The following HSF5 variants were observed in gnomAD, a reference collection of about 807,000 sequenced individuals.
HSF5 encodes the protein heat shock factor protein 5.
HSF5 carries 5 observed loss-of-function variants against 50.8 expected under a neutral mutation model. The ratio of observed to expected loss-of-function variants is 0.10; its 90% confidence interval spans 0.05 to 0.21. The LOEUF (loss-of-function observed/expected upper bound fraction) is 0.21, where lower values mean the gene tolerates loss of function less well. Among genes scored for constraint, HSF5 ranks in the 10% least tolerant of loss-of-function variants. HSF5 has a pLI of 1.00. For synonymous variants in HSF5, 307 were observed against 307.4 expected (o/e 1.00, Z 0.02); for missense variants, 564 against 762.6 (o/e 0.74, Z 3.07).
At chr17:58,477,905 C>T (rs1567918293) in intron 2 of HSF5, among the ~76,000 whole-genome samples, 1 of 151,996 alleles carries the variant, frequency 6.6e-6, no homozygotes, top group Non-Finnish European at 1.5e-5. Flanking sequence ...GAAATTGCTT[C>T]CAGATTTACA....
At chr17:58,446,661 AG>A (rs1485706361) in intron 5 of HSF5, among the ~76,000 whole-genome samples, 1 of 152,188 alleles carries the variant, frequency 6.6e-6, no homozygotes. Context: ...TTTCCGTGGC[AG>A]GCAGGCCAGA....
At chr17:58,476,707 A>T in intron 2 of HSF5, 1 of 1,590,138 alleles carries the variant, frequency 6.3e-7, no homozygotes, top group Non-Finnish European at 8.6e-7. Context: ...TGTTATCCAA[A>T]AATGTGGGAT....
intron 5 of HSF5, among the ~76,000 whole-genome samples, chr17:58,450,111 A>C (rs1974615974): frequency 1.3e-5 from 2 of 151,410 alleles, no homozygotes; most frequent in Admixed American, 1.3e-4. Context: ...CAAGGCAGGC[A>C]GATCACTTGA....
intron 5 of HSF5, among the ~76,000 whole-genome samples, chr17:58,428,411 A>G (rs1598179206): frequency 6.6e-6 from 1 of 152,100 alleles, no homozygotes; most frequent in Admixed American, 6.6e-5. Context: ...TGTAATCCCA[A>G]CACTTTGGGA....
In HSF5 at chr17:58,422,197, A is replaced by G. The variant is rs927048641; in HGVS notation, c.*163T>C. 1.7e-6 allele frequency: 1 copy of G among 595,442 alleles called. No individual in the cohort carries two copies. Among genetic ancestry groups the G allele is most frequent in the Non-Finnish European group, 3.0e-6 (1 of 335,604 alleles). 36.9% of individuals were successfully genotyped at this position (595,442 alleles called of 1,614,324 possible). On this transcript the variant is annotated 3_prime_UTR_variant, in exon 6 of 6. Coordinates refer to ENST00000323777, the MANE Select transcript of HSF5 (RefSeq NM_001080439.3). Reference sequence around the variant, plus strand: ...AATCTGAACTGAACCACTGTAGTACATACAAATTCCCAATTCTCAATTAAC... The same window carrying G: ...AATCTGAACTGAACCACTGTAGTACGTACAAATTCCCAATTCTCAATTAAC...
At chr17:58,470,548 T>C (rs1598198317) in intron 2 of HSF5, among the ~76,000 whole-genome samples, 1 of 152,184 alleles carries the variant, frequency 6.6e-6, no homozygotes, top group African/African-American at 2.4e-5. Flanking sequence ...ATTTGGGTGA[T>C]GAAAAGTTTT....
intron 5 of HSF5, among the ~76,000 whole-genome samples, chr17:58,435,177 T>A (rs1974410626): frequency 6.6e-6 from 1 of 151,734 alleles, no homozygotes; most frequent in African/African-American, 2.4e-5. Flanking sequence ...TATAATAGAG[T>A]GGCTTTGGAG....
intron 2 of HSF5, among the ~76,000 whole-genome samples, chr17:58,478,194 G>A (rs1444990112): frequency 6.6e-6 from 1 of 151,810 alleles, no homozygotes; most frequent in African/African-American, 2.4e-5. Context: ...AGCACTTTGG[G>A]AGGCCGAGGT....
intron 5 of HSF5, among the ~76,000 whole-genome samples, chr17:58,426,851 A>G (rs189858514): frequency 6.6e-4 from 101 of 152,332 alleles, no homozygotes; most frequent in Middle Eastern, 3.4e-3. Context: ...CAAAAGAGCT[A>G]CACAAAGCAT....
intron 2 of HSF5, among the ~76,000 whole-genome samples, chr17:58,478,312 T>TAC (rs1197451154): frequency 2.1e-5 from 3 of 140,980 alleles, no homozygotes; most frequent in East Asian, 2.1e-4. Context: ...CACACACACA[T>TAC]ACACACACAC....
chr17:58,446,029 T>C (rs1413003310), intron 5 of HSF5, among the ~76,000 whole-genome samples: 1 of 151,498 alleles, frequency 6.6e-6, no homozygotes, highest in African/African-American at 2.4e-5. Context: ...TACCAGCTAC[T>C]TGGAGGCTGA....
At position 58,476,869 on chromosome 17, in the gene HSF5, T is replaced by G. The variant is rs570659011; in HGVS notation, c.925+3024A>C. The G allele has an allele frequency of 2.9e-5, 36 of 1,251,856 alleles. No homozygotes were observed. In the African/African-American group the frequency reaches 4.6e-4, roughly 16 times the overall value. The allele number at this position is 1,251,856 out of a possible 1,614,324, so 77.5% of individuals were successfully genotyped here. A position where few individuals can be genotyped will look rare whatever the true frequency, so the allele number is the denominator to read the frequency against. Reference sequence around the variant, plus strand: ...CAATGTGTTCAATTGCTTCTTGCTGTTTTTTTTTTCCTGAGGTCTCGTCGG... The same window carrying G: ...CAATGTGTTCAATTGCTTCTTGCTGGTTTTTTTTTCCTGAGGTCTCGTCGG... On this transcript the variant is annotated intron_variant, in intron 2 of 5. Transcript: ENST00000323777.
At chr17:58,444,244 A>T (rs1974531240) in intron 5 of HSF5, among the ~76,000 whole-genome samples, 1 of 152,216 alleles carries the variant, frequency 6.6e-6, no homozygotes, top group Admixed American at 6.5e-5. Context: ...TTCGTATGGA[A>T]TCTCAAGGGA....
At chr17:58,439,328 A>C (rs1413855969) in intron 5 of HSF5, among the ~76,000 whole-genome samples, 1 of 151,642 alleles carries the variant, frequency 6.6e-6, no homozygotes, top group Non-Finnish European at 1.5e-5. Context: ...ACGTAGAGGA[A>C]ACTGACATAT....
chr17:58,429,085 T>C (rs1303296930), intron 5 of HSF5, among the ~76,000 whole-genome samples: 1 of 152,248 alleles, frequency 6.6e-6, no homozygotes, highest in Non-Finnish European at 1.5e-5. Flanking sequence ...CTGATTTACA[T>C]GCTACAATGT....
chr17:58,454,381 T>C (rs955962803), intron 5 of HSF5, among the ~76,000 whole-genome samples: 3 of 152,106 alleles, frequency 2.0e-5, no homozygotes, highest in Non-Finnish European at 2.9e-5. Flanking sequence ...TAACATTACA[T>C]TGAATGATGA....
intron 5 of HSF5, among the ~76,000 whole-genome samples, chr17:58,437,295 C>G (rs963202339): frequency 6.6e-6 from 1 of 152,130 alleles, no homozygotes; most frequent in Non-Finnish European, 1.5e-5. Flanking sequence ...ATATCTAAAC[C>G]TCAAAAGTCA....
chr17:58,463,053 C>A lies in HSF5; in HGVS notation c.1271G>T (p.Ser424Ile). ...AAGTGGCTCCAGCTGGCTAGCCTGA[C>A]TTGCAGAACATGGATTGCTGTTGTT... is the stretch of plus-strand genomic sequence containing the variant. Reference protein sequence around the residue: ...NSNNSNPCSASQASQLEPLTP... With the variant: ...NSNNSNPCSAIQASQLEPLTP... The change falls in exon 4 of 6, where the codon AGT becomes ATT. Residue 424 changes from serine (S) to isoleucine (I), a missense_variant. By Grantham distance (142) the Ser-to-Ile change is moderately radical. Around this residue, in one of 5 missense-constraint regions of HSF5, gnomAD observed 441 missense variants for 533.6 expected, o/e 0.83. Transcript: ENST00000323777. The A allele has an allele frequency of 6.2e-7, 1 of 1,614,226 alleles. No homozygotes were observed. The highest frequency in any genetic ancestry group is 8.5e-7 in the Non-Finnish European group (1 of 1,180,046).
At chr17:58,470,815 A>G (rs542032282) in intron 2 of HSF5, among the ~76,000 whole-genome samples, 28 of 152,170 alleles carry the variant, frequency 1.8e-4, no homozygotes, top group Admixed American at 7.2e-4. Flanking sequence ...AGCCCCAGCT[A>G]CTCGGAAGGC....
Sources: allele counts gnomAD v4.1 joint callset (sites outside exome capture counted in the v4.1 genomes callset), GRCh38; gene constraint gnomAD v4.1.1; regional missense constraint gnomAD v4.1.1; transcripts MANE v1.5; gene names NCBI Gene and HGNC (gene_info 2026-07-23, HGNC 2026-07-21).